The following TRAFD1 variants were observed in gnomAD, a reference collection of about 807,000 sequenced individuals.
TRAFD1 encodes the protein TRAF-type zinc finger domain containing 1.
A neutral mutation model predicts 65.3 loss-of-function variants in TRAFD1; 38 were observed. The ratio of observed to expected loss-of-function variants is 0.58; its 90% confidence interval spans 0.45 to 0.76. TRAFD1 has a LOEUF of 0.76. Among genes scored for constraint, TRAFD1 ranks in the 30% least tolerant of loss-of-function variants. The pLI, the probability that TRAFD1 is intolerant of heterozygous loss-of-function variation, is 0.00. For synonymous variants in TRAFD1, 223 were observed against 257.2 expected, an observed-to-expected ratio of 0.87 and a Z score of 1.27; for missense variants, 631 against 712.6, an observed-to-expected ratio of 0.89 and a Z score of 1.30.
intron 6 of TRAFD1, among the ~76,000 whole-genome samples, chr12:112,143,544 C>T (rs532085832): frequency 1.3e-5 from 2 of 151,814 alleles, no homozygotes; most frequent in African/African-American, 4.8e-5. Context: ...AATTTCTTAT[C>T]GGTCTTCTAG....
At chr12:112,134,679 C>T (rs1404980451) in intron 2 of TRAFD1, 59 bp from the exon 3 acceptor site, 3 of 1,573,744 alleles carry the variant, frequency 1.9e-6, no homozygotes, top group Non-Finnish European at 2.6e-6. Context: ...TGCCACTGTG[C>T]AAGAAAAGGC....
At position 112,151,831 on chromosome 12, in the gene TRAFD1, C is replaced by T. The variant is rs1395353670; in HGVS notation, c.1310C>T (p.Thr437Ile). Reference protein sequence around the residue: ...GDLSSGYLDDTKQETANGPTS... With the variant: ...GDLSSGYLDDIKQETANGPTS... ...CTGTCTTCTGGTTACCTGGATGATA[C>T]TAAGCAGGAAACAGCTAATGGGCCC... Residue 437 changes from threonine to isoleucine, a missense_variant, in exon 10 of 12, where the codon ACT (threonine) becomes ATT (isoleucine). Coordinates refer to ENST00000412615, the MANE Select transcript of TRAFD1 (RefSeq NM_006700.3). 3 of 1,614,192 alleles carry T rather than the reference C, an allele frequency of 1.9e-6. No homozygotes were observed. The highest frequency in any genetic ancestry group is 1.7e-6 in the Non-Finnish European group (2 of 1,180,020).
intron 7 of TRAFD1, among the ~76,000 whole-genome samples, chr12:112,147,279 G>C (rs988351803): frequency 6.6e-6 from 1 of 152,056 alleles, no homozygotes; most frequent in Non-Finnish European, 1.5e-5. Context: ...TTACAGGCGT[G>C]AGCCTCCACG....
chr12:112,126,149 G>C (rs771780282), intron 1 of TRAFD1: 5 of 152,184 alleles, frequency 3.3e-5, no homozygotes, highest in African/African-American at 1.2e-4. Context: ...AGATTTTCCC[G>C]GTAAGCGTTT....
At chr12:112,140,265 A>C (rs907487496) in intron 4 of TRAFD1, 3 of 183,296 alleles carry the variant, frequency 1.6e-5, no homozygotes, top group Admixed American at 6.0e-5. Context: ...CTAAAAATAC[A>C]AAAAATTAAG....
intron 7 of TRAFD1, 69 bp downstream of exon 7, chr12:112,145,731 C>A: frequency 1.4e-6 from 2 of 1,400,522 alleles, no homozygotes; most frequent in Non-Finnish European, 2.0e-6. Flanking sequence ...TTGCAGGCCA[C>A]ATGAGGCCTT....
chr12:112,135,258 T>TGTGGC (rs2079592049), intron 4 of TRAFD1, among the ~76,000 whole-genome samples, 192 bp downstream of exon 4: 1 of 152,200 alleles, frequency 6.6e-6, no homozygotes, highest in Admixed American at 6.6e-5. Context: ...GGAACTCACT[T>TGTGGC]GTGTATGTTG....
At chr12:112,139,040 T>C (rs561938497) in intron 4 of TRAFD1, among the ~76,000 whole-genome samples, 1 of 151,374 alleles carries the variant, frequency 6.6e-6, no homozygotes, top group East Asian at 2.0e-4. Flanking sequence ...CTTTTTGGGC[T>C]TTAAAATTGT....
intron 4 of TRAFD1, among the ~76,000 whole-genome samples, chr12:112,138,557 C>G (rs1219738201): frequency 7.0e-6 from 1 of 142,476 alleles, no homozygotes; most frequent in South Asian, 2.2e-4. Context: ...CAAAAAAAAA[C>G]AAAAACAAAA....
rs2079590742 is a variant in TRAFD1 at position 112,135,098 on chromosome 12, A to C, written c.237+32A>C. ...CCATGGAGTGAGTTACCGTGGGCCC[A>C]GTCCTGCTGAGATTACAGACCCACA... is the stretch of plus-strand genomic sequence containing the variant. On this transcript the variant is annotated intron_variant, in intron 4 of 11. Transcript: ENST00000412615. 1.9e-6 allele frequency: 3 copies of C among 1,613,688 alleles called. No individual in the cohort carries two copies. In the Middle Eastern group the frequency reaches 5.0e-4, roughly 266 times the overall value.
chr12:112,138,861 A>G (rs1299147721), intron 4 of TRAFD1, among the ~76,000 whole-genome samples: 1 of 150,884 alleles, frequency 6.6e-6, no homozygotes, highest in African/African-American at 2.5e-5. Context: ...CCGTCTCAAA[A>G]AAAAAAAAAA....
chr12:112,152,848 C>T lies in TRAFD1; in HGVS notation c.*57C>T, dbSNP rs1398094063. The T allele has an allele frequency of 1.4e-5, 22 of 1,589,456 alleles. No homozygotes were observed. In the East Asian group the frequency reaches 1.8e-4, roughly 13 times the overall value. Reference sequence around the variant, plus strand: ...GTCTTCTGTGCACAGCAGCACTTGCCGCTGTGCAGGCCCACCTCTTTGGCT... The same window carrying T: ...GTCTTCTGTGCACAGCAGCACTTGCTGCTGTGCAGGCCCACCTCTTTGGCT... On this transcript the variant is annotated 3_prime_UTR_variant, in exon 12 of 12. Coordinates refer to ENST00000412615, the MANE Select transcript of TRAFD1 (RefSeq NM_006700.3). This position sits in a 1 kb window ranked among gnomAD's most constrained non-coding sequence, Gnocchi z 5.0.
At chr12:112,131,153 A>G (rs1277345402) in intron 2 of TRAFD1, among the ~76,000 whole-genome samples, 2 of 152,206 alleles carry the variant, frequency 1.3e-5, no homozygotes, top group South Asian at 2.1e-4. Context: ...GTGTCTTGCC[A>G]TATTGTAGAG....
chr12:112,140,644 C>G (rs1019525376), intron 4 of TRAFD1, among the ~76,000 whole-genome samples, 175 bp from the exon 5 acceptor site: 2 of 151,872 alleles, frequency 1.3e-5, no homozygotes, highest in Non-Finnish European at 2.9e-5. Flanking sequence ...AACATTGTGG[C>G]AGGAACAAAA....
Position 112,152,703 on chromosome 12 carries a change from T to C in TRAFD1, c.1693-32T>C. 1.2e-6 allele frequency: 2 copies of C among 1,614,112 alleles called. No homozygotes were observed. The highest frequency in any genetic ancestry group is 1.7e-6 in the Non-Finnish European group (2 of 1,180,012). ...GAGTAATGCTTTTTCACTTTTTATG[T>C]AAAGCTTCGTTTGTGTTGTGTTGTT... On this transcript the variant is annotated intron_variant, in intron 11 of 11. Coordinates refer to ENST00000412615, the MANE Select transcript of TRAFD1 (RefSeq NM_006700.3). The surrounding 1 kb of genome is among the most constrained non-coding windows in gnomAD (Gnocchi z 5.0).
At chr12:112,134,329 T>TTA (rs2079583826) in intron 2 of TRAFD1, among the ~76,000 whole-genome samples, 1 of 135,138 alleles carries the variant, frequency 7.4e-6, no homozygotes, top group African/African-American at 2.8e-5. Context: ...TTTTTTTTTT[T>TTA]ATAGCAACCT....
chr12:112,140,024 TAATA>T, intron 4 of TRAFD1: 1 of 194,012 alleles, frequency 5.2e-6, no homozygotes, highest in Admixed American at 6.1e-5. Flanking sequence ...AAAATAATAA[TAATA>T]AATGAAAAAT....
chr12:112,140,147 G>C (rs944692922), intron 4 of TRAFD1: 2 of 340,756 alleles, frequency 5.9e-6, no homozygotes, highest in Non-Finnish European at 1.2e-5. Flanking sequence ...GAGGCCGGGC[G>C]TGGTGGCTCA....
intron 1 of TRAFD1, chr12:112,125,961 G>A (rs1197618375): frequency 6.6e-6 from 1 of 152,230 alleles, no homozygotes; most frequent in East Asian, 1.9e-4. Flanking sequence ...TCCGAGCCTC[G>A]AGCTGCCGGC....
Sources: gnomAD v4.1 joint callset for allele counts (sites outside exome capture counted in the v4.1 genomes callset) on GRCh38, gnomAD v4.1.1 for gene constraint, Gnocchi (gnomAD v3.1) non-coding constraint, MANE v1.5 for transcripts, NCBI Gene and HGNC (gene_info 2026-07-23, HGNC 2026-07-21) for gene names.